The following PPP2R3B variants were observed in gnomAD, a reference collection of about 807,000 sequenced individuals.
PPP2R3B encodes serine/threonine-protein phosphatase 2A regulatory subunit B'' subunit beta.
In PPP2R3B, 68 loss-of-function variants were observed where a neutral mutation model predicts 72.9. The observed-to-expected ratio is 0.93, with a 90% confidence interval of 0.77 to 1.14. The LOEUF is 1.14. Ranked by LOEUF, PPP2R3B falls within the 50% of genes most tolerant of loss-of-function variation. The pLI is 0.00. For synonymous variants in PPP2R3B, 466 were observed against 375.8 expected (o/e 1.24, Z -2.78); for missense variants, 1,018 against 842.0 (o/e 1.21, Z -2.59).
chrX:372,931 AATAAAT>A (rs1230601608), intron 1 of PPP2R3B, among the ~76,000 whole-genome samples: 2 of 152,180 alleles, frequency 1.3e-5, no homozygotes, highest in African/African-American at 4.8e-5. Context: ...GTCTCAAATA[AATAAAT>A]ATAAATAAAT....
At chrX:363,522 CCG>C (rs1491209064) in intron 1 of PPP2R3B, among the ~76,000 whole-genome samples, 4 of 147,820 alleles carry the variant, frequency 2.7e-5, no homozygotes, top group African/African-American at 5.0e-5. Context: ...GCCCGCGATC[CCG>C]CAGTGCATCT....
At chrX:379,289 GTATC>G (rs202147573) in intron 1 of PPP2R3B, among the ~76,000 whole-genome samples, 1,796 of 150,324 alleles carry the variant, frequency 0.012, 41 homozygotes, top group African/African-American at 0.043. Flanking sequence ...CTGTGTGTAT[GTATC>G]TGTGTGTATG....
chrX:361,406 T>C lies in PPP2R3B; in HGVS notation c.509A>G (p.Lys170Arg), dbSNP rs1242669323. 6.2e-7 allele frequency: 1 copy of C among 1,613,860 alleles called. No homozygotes were observed. Among genetic ancestry groups the C allele is most frequent in the East Asian group, 2.2e-5 (1 of 44,882 alleles). Reference protein sequence around the residue: ...ATMDDMGLVAKACGCPLYWKG... With the variant: ...ATMDDMGLVARACGCPLYWKG... ...CCACGTCCCACGCGTGACACGTACC[T>C]TGGCCACCAGGCCCATGTCATCCAT... The change falls in exon 2 of 13, where the codon AAG becomes AGG. Residue 170 changes from lysine (K) to arginine (R), a missense_variant and splice_region_variant. By Grantham distance (26) the Lys-to-Arg change is conservative. Transcript: ENST00000390665.
chrX:364,071 C>T (rs926216162), intron 1 of PPP2R3B, among the ~76,000 whole-genome samples: 1 of 152,266 alleles, frequency 6.6e-6, no homozygotes, highest in Non-Finnish European at 1.5e-5. Context: ...TGAACAGGCT[C>T]TGCCTTCAGA....
intron 1 of PPP2R3B, among the ~76,000 whole-genome samples, chrX:370,729 A>G (rs751171032): frequency 2.0e-5 from 3 of 152,056 alleles, no homozygotes; most frequent in Admixed American, 2.0e-4. Context: ...GCCAAACCAA[A>G]GGCTGCAAGG....
Position 346,789 on chromosome X carries a change from G to T in PPP2R3B, c.718-14C>A, listed in dbSNP as rs771681549. 6.2e-7 allele frequency: 1 copy of T among 1,606,684 alleles called. No homozygotes were observed. Among genetic ancestry groups the T allele is most frequent in the East Asian group, 2.2e-5 (1 of 44,720 alleles). Reference sequence around the variant, plus strand: ...GTTCACCACGTCCTGCGGGTGGGAAGACACGAGGCGCGTGGTGTAGACGCC... The same window carrying T: ...GTTCACCACGTCCTGCGGGTGGGAATACACGAGGCGCGTGGTGTAGACGCC... On this transcript the variant is annotated splice_polypyrimidine_tract_variant and intron_variant, in intron 4 of 12. Coordinates refer to ENST00000390665, the MANE Select transcript of PPP2R3B (RefSeq NM_013239.5).
intron 8 of PPP2R3B, 89 bp from the exon 9 acceptor site, chrX:341,485 G>A: frequency 1.2e-5 from 17 of 1,381,272 alleles, no homozygotes; most frequent in Non-Finnish European, 1.7e-5. Flanking sequence ...CCTCGGTGAG[G>A]GGAGCCCCCC....
intron 7 of PPP2R3B, chrX:345,011 G>A (rs2071166370): frequency 2.8e-6 from 1 of 361,410 alleles, no homozygotes; most frequent in Non-Finnish European, 5.4e-6. Flanking sequence ...AAGTGTGGAT[G>A]ACTCTTAGAG....
At chrX:359,919 G>T (rs1249857398) in intron 2 of PPP2R3B, 11 of 464,314 alleles carry the variant, frequency 2.4e-5, no homozygotes, top group South Asian at 1.4e-4. Flanking sequence ...TGCTCACTTT[G>T]TAACCATGGA....
chrX:354,379 G>A (rs1284968593), intron 2 of PPP2R3B, among the ~76,000 whole-genome samples: 3 of 152,054 alleles, frequency 2.0e-5, no homozygotes, highest in East Asian at 1.9e-4. Flanking sequence ...TGCACGCTGC[G>A]GTGGAACAGG....
chrX:384,383 G>A (rs890044622), intron 1 of PPP2R3B, among the ~76,000 whole-genome samples: 6 of 149,354 alleles, frequency 4.0e-5, no homozygotes, highest in African/African-American at 9.9e-5. Context: ...AGTAATCTCC[G>A]ACTCCCAGCT....
intron 2 of PPP2R3B, among the ~76,000 whole-genome samples, chrX:358,754 A>C (rs1307672588): frequency 6.6e-6 from 1 of 150,750 alleles, no homozygotes; most frequent in South Asian, 2.1e-4. Flanking sequence ...AAACGCGCAC[A>C]TGAGAACCAG....
chrX:345,310 C>T, intron 7 of PPP2R3B: 1 of 768,332 alleles, frequency 1.3e-6, no homozygotes, highest in Non-Finnish European at 2.2e-6. Flanking sequence ...AGGCCTCGGG[C>T]AGAGGCGCAC....
intron 1 of PPP2R3B, among the ~76,000 whole-genome samples, chrX:377,853 C>T (rs1407650071): frequency 1.1e-5 from 1 of 93,094 alleles, no homozygotes; most frequent in Admixed American, 1.0e-4. Flanking sequence ...GCCGTCCACA[C>T]CCAGTGGGTC....
At chrX:370,603 C>T (rs1033381887) in intron 1 of PPP2R3B, among the ~76,000 whole-genome samples, 10 of 152,202 alleles carry the variant, frequency 6.6e-5, no homozygotes, top group African/African-American at 2.4e-4. Flanking sequence ...GACGTTCCCA[C>T]CCGGGCTTCT....
At chrX:355,527 C>T (rs984922657) in intron 2 of PPP2R3B, among the ~76,000 whole-genome samples, 1 of 152,146 alleles carries the variant, frequency 6.6e-6, no homozygotes, top group Non-Finnish European at 1.5e-5. Flanking sequence ...TGCAGCCACT[C>T]GGGAAGACAG....
Position 354,185 on chromosome X carries a change from A to G in PPP2R3B, c.511-6492T>C, listed in dbSNP as rs868127380. Among the ~76,000 whole-genome samples the G allele has an allele frequency of 1.4e-3, 184 of 130,272 alleles. 3 individuals are homozygous for G. Among genetic ancestry groups the G allele is most frequent in the Middle Eastern group, 4.6e-3 (1 of 218 alleles). The allele number at this position is 130,272 out of a possible 152,430, so 85.5% of individuals were successfully genotyped here. ...CACCCAGGGACTAGGGGCTCACCCA[A>G]ACACCGGGGGCTCACCCAGGGACCG... On this transcript the variant is annotated intron_variant, in intron 2 of 12. Coordinates refer to ENST00000390665, the MANE Select transcript of PPP2R3B (RefSeq NM_013239.5).
At chrX:370,332 G>A (rs1243534957) in intron 1 of PPP2R3B, among the ~76,000 whole-genome samples, 1 of 152,178 alleles carries the variant, frequency 6.6e-6, no homozygotes, top group Non-Finnish European at 1.5e-5. Context: ...CGAGCAACCG[G>A]GCCTCAACGG....
At chrX:379,734 T>G (rs2072083739) in intron 1 of PPP2R3B, among the ~76,000 whole-genome samples, 1 of 152,208 alleles carries the variant, frequency 6.6e-6, no homozygotes, top group African/African-American at 2.4e-5. Context: ...TGTTTGTGGA[T>G]TGGAAAATAC....
Sources: gnomAD v4.1 joint callset for allele counts (sites outside exome capture counted in the v4.1 genomes callset) on GRCh38, gnomAD v4.1.1 for gene constraint, MANE v1.5 for transcripts, NCBI Gene and HGNC (gene_info 2026-07-23, HGNC 2026-07-21) for gene names.